The following ADCY2 variants were observed in gnomAD, a reference collection of about 807,000 sequenced individuals.
ADCY2 encodes the protein adenylate cyclase 2, also known as adenylate cyclase type 2.
ADCY2 carries 31 observed loss-of-function variants against 125.2 expected under a neutral mutation model. The observed-to-expected ratio is 0.25, with a 90% CI of 0.19 to 0.33. The LOEUF is 0.33. Among genes scored for constraint, ADCY2 ranks in the 10% least tolerant of loss-of-function variants. The pLI, the probability that ADCY2 is intolerant of heterozygous loss-of-function variation, is 1.00. For missense variants in ADCY2, 904 were observed against 1,418.2 expected (o/e 0.64, Z 5.82); for synonymous variants, 512 against 548.4 (o/e 0.93, Z 0.93).
intron 22 of ADCY2, among the ~76,000 whole-genome samples, chr5:7,814,992 C>A (rs1304347715): frequency 6.6e-6 from 1 of 152,162 alleles, no homozygotes; most frequent in African/African-American, 2.4e-5. Flanking sequence ...GCCAGCTCAA[C>A]CCTCTGGTAT....
intron 22 of ADCY2, among the ~76,000 whole-genome samples, chr5:7,809,595 T>A (rs1744869517): frequency 6.6e-6 from 1 of 152,244 alleles, no homozygotes; most frequent in Non-Finnish European, 1.5e-5. Flanking sequence ...AGGAATAATG[T>A]CTTTTTCTTA....
At chr5:7,397,791 C>T (rs1328736975) in intron 1 of ADCY2, among the ~76,000 whole-genome samples, 6 of 152,062 alleles carry the variant, frequency 3.9e-5, no homozygotes, top group Non-Finnish European at 8.8e-5. Context: ...ATGTAGGAGG[C>T]CATGAAGTCA....
chr5:7,627,876 T>C (rs1439988926), intron 4 of ADCY2, among the ~76,000 whole-genome samples: 1 of 152,166 alleles, frequency 6.6e-6, no homozygotes, highest in African/African-American at 2.4e-5. Flanking sequence ...TGCCTTTGCA[T>C]TGGTATGATT....
intron 2 of ADCY2, among the ~76,000 whole-genome samples, chr5:7,461,631 T>C (rs1298628043): frequency 1.3e-5 from 2 of 152,270 alleles, no homozygotes; most frequent in East Asian, 3.8e-4. Context: ...GAGAATTTCA[T>C]TGAGCCACTC....
At chr5:7,452,421 A>G (rs767563017) in intron 2 of ADCY2, among the ~76,000 whole-genome samples, 7 of 152,208 alleles carry the variant, frequency 4.6e-5, no homozygotes, top group Non-Finnish European at 7.3e-5. Context: ...AAGTTGCTTC[A>G]AAGGCATTAT....
chr5:7,791,257 G>A (rs996369627), intron 20 of ADCY2, among the ~76,000 whole-genome samples: 6 of 151,772 alleles, frequency 4.0e-5, no homozygotes, highest in African/African-American at 1.5e-4. Context: ...TTTTTCAGAG[G>A]TGTAACCCCT....
chr5:7,493,944 T>C (rs939335366), intron 2 of ADCY2, among the ~76,000 whole-genome samples: 1 of 150,816 alleles, frequency 6.6e-6, no homozygotes, highest in African/African-American at 2.4e-5. Context: ...CCTATAACGC[T>C]CTCTCCCCGG....
At chr5:7,677,351 T>G (rs6879841) in intron 4 of ADCY2, among the ~76,000 whole-genome samples, 1,821 of 152,220 alleles carry the variant, frequency 0.012, 44 homozygotes, top group African/African-American at 0.041. Context: ...TTTGGAACCA[T>G]TAATGTGGGA....
rs1030469386 is a variant in ADCY2, at chr5:7,664,759, A to G, written c.721-25932A>G. Among the ~76,000 whole-genome samples the G allele has an allele frequency of 3.3e-5, 5 of 152,196 alleles. No homozygotes were observed. In the South Asian group the frequency reaches 8.3e-4, roughly 25 times the overall value. ...CCTTTCCAGACCCAGGAAATCATCA[A>G]CTAAGAGACAGGCACCCTTTTAGGT... On this transcript the variant is annotated intron_variant, in intron 4 of 24. Transcript: ENST00000338316.
intron 4 of ADCY2, among the ~76,000 whole-genome samples, chr5:7,647,098 G>C (rs2126678753): frequency 6.6e-6 from 1 of 152,284 alleles, no homozygotes; most frequent in East Asian, 1.9e-4. Context: ...TCACTGAGCA[G>C]ACTCTTTCCT....
At chr5:7,580,307 T>A (rs1479623203) in intron 3 of ADCY2, among the ~76,000 whole-genome samples, 1 of 152,094 alleles carries the variant, frequency 6.6e-6, no homozygotes, top group African/African-American at 2.4e-5. Context: ...TCTAAAAATA[T>A]AAAGTGGTTA....
chr5:7,570,092 A>G (rs1736024237), intron 3 of ADCY2, among the ~76,000 whole-genome samples: 1 of 152,090 alleles, frequency 6.6e-6, no homozygotes, highest in Non-Finnish European at 1.5e-5. Context: ...TAACCCTATG[A>G]CTTCTGCTTG....
At chr5:7,732,514 AC>A (rs1303446570) in intron 14 of ADCY2, among the ~76,000 whole-genome samples, 1 of 152,130 alleles carries the variant, frequency 6.6e-6, no homozygotes, top group African/African-American at 2.4e-5. Flanking sequence ...TGATTTGAAT[AC>A]CTTCTATGTA....
chr5:7,727,247 T>G lies in ADCY2; in HGVS notation c.1857T>G (p.Ile619Met). The change falls in exon 14 of 25, where the codon ATT becomes ATG. Residue 619 changes from isoleucine (I) to methionine (M), a missense_variant. By Grantham distance (10) the Ile-to-Met change is conservative (BLOSUM62 1). This residue lies in a region of ADCY2 where 221 missense variants were observed against 246.2 expected (regional missense o/e 0.90). Transcript: ENST00000338316. ...TCTTCTGCATCTTCATTGTGCAGAT[T>G]CTCGTGCTGCCAAAGTAAGTACTTC... Reference protein sequence around the residue: ...LIFFCIFIVQILVLPKTSVLG... With the variant: ...LIFFCIFIVQMLVLPKTSVLG... The G allele has an allele frequency of 6.2e-7, 1 of 1,613,948 alleles. No individual in the cohort carries two copies. Among genetic ancestry groups the G allele is most frequent in the Non-Finnish European group, 8.5e-7 (1 of 1,179,864 alleles).
At chr5:7,496,000 T>G (rs1743334025) in intron 2 of ADCY2, among the ~76,000 whole-genome samples, 2 of 152,196 alleles carry the variant, frequency 1.3e-5, no homozygotes, top group South Asian at 4.1e-4. Flanking sequence ...AGGCAAGCAC[T>G]GAAGGGTGGT....
intron 3 of ADCY2, among the ~76,000 whole-genome samples, chr5:7,587,503 G>A (rs763073504): frequency 1.3e-5 from 2 of 152,082 alleles, no homozygotes; most frequent in Admixed American, 6.6e-5. Flanking sequence ...AACAGTCTTC[G>A]TTCTCAACGA....
chr5:7,626,740 A>C (rs892058474), intron 4 of ADCY2, among the ~76,000 whole-genome samples: 3 of 152,116 alleles, frequency 2.0e-5, no homozygotes, highest in Admixed American at 1.3e-4. Flanking sequence ...AAACTCCCTC[A>C]AACTCCCTTC....
chr5:7,687,673 A>C (rs1256581582), intron 4 of ADCY2, among the ~76,000 whole-genome samples: 1 of 152,194 alleles, frequency 6.6e-6, no homozygotes, highest in South Asian at 2.1e-4. Flanking sequence ...CTACCTCTTC[A>C]TTAGCGGACA....
Position 7,626,270 on chromosome 5 carries a change from A to G in ADCY2, c.674A>G (p.Asn225Ser), listed in dbSNP as rs1201667859. ...ALQQTYQDTC[N>S]CIKSRIKLEF... Reference sequence around the variant, plus strand: ...CAGCAAACATATCAGGACACCTGTAATTGCATCAAGTCGCGGATCAAGTTG... The same window carrying G: ...CAGCAAACATATCAGGACACCTGTAGTTGCATCAAGTCGCGGATCAAGTTG... The change falls in exon 4 of 25, where the codon AAT becomes AGT. Residue 225 changes from asparagine to serine, a missense_variant. Around this residue, in one of 7 missense-constraint regions of ADCY2, gnomAD observed 117 missense variants for 248.0 expected, o/e 0.47. Transcript: ENST00000338316. 1 of 1,614,168 alleles carries G rather than the reference A, an allele frequency of 6.2e-7. No homozygotes were observed. The highest frequency in any genetic ancestry group is 2.2e-5 in the East Asian group (1 of 44,870).
Sources: allele counts gnomAD v4.1 joint callset (sites outside exome capture counted in the v4.1 genomes callset), GRCh38; gene constraint gnomAD v4.1.1; regional missense constraint gnomAD v4.1.1; transcripts MANE v1.5; gene names NCBI Gene and HGNC (gene_info 2026-07-23, HGNC 2026-07-21).